Variants in RPTOR observed in about 807,000 individuals in gnomAD.
RPTOR encodes regulatory associated protein of MTOR complex 1.
A neutral mutation model predicts 169.9 loss-of-function variants in RPTOR; 21 were observed. The observed-to-expected ratio is 0.12, with a 90% CI of 0.09 to 0.18. The LOEUF is 0.18. Among genes scored for constraint, RPTOR ranks in the 10% least tolerant of loss-of-function variants. The pLI, the probability that RPTOR is intolerant of heterozygous loss-of-function variation, is 1.00. For synonymous variants in RPTOR, 732 were observed against 753.2 expected (o/e 0.97, Z 0.46); for missense variants, 1,133 against 1,855.9 (o/e 0.61, Z 7.16).
At chr17:80,779,840 T>C (rs1386441738) in intron 6 of RPTOR, among the ~76,000 whole-genome samples, 8 of 152,170 alleles carry the variant, frequency 5.3e-5, no homozygotes, top group Admixed American at 3.9e-4. Flanking sequence ...CCAAGTTCAT[T>C]GGAAAATCTA....
intron 3 of RPTOR, among the ~76,000 whole-genome samples, chr17:80,700,780 G>T (rs1381740896): frequency 0.016 from 391 of 24,388 alleles, 1 homozygote; most frequent in African/African-American, 0.018. Context: ...TGGTAGAGAT[G>T]ATGATGGTGG....
intron 3 of RPTOR, among the ~76,000 whole-genome samples, chr17:80,687,172 G>A (rs1012051929): frequency 6.6e-5 from 10 of 152,192 alleles, no homozygotes; most frequent in African/African-American, 2.4e-4. Flanking sequence ...ATTCTCTGCC[G>A]AGAGTTCTGT....
At chr17:80,848,632 G>A (rs2067758623) in intron 11 of RPTOR, among the ~76,000 whole-genome samples, 2 of 152,334 alleles carry the variant, frequency 1.3e-5, no homozygotes, top group South Asian at 2.1e-4. Context: ...TGGGCCCCAC[G>A]GCTCCTGTTG....
At chr17:80,762,790 A>G (rs1479453058) in intron 6 of RPTOR, among the ~76,000 whole-genome samples, 1 of 152,160 alleles carries the variant, frequency 6.6e-6, no homozygotes, top group Non-Finnish European at 1.5e-5. Context: ...AAGGAAGGGG[A>G]GAAACATGAG....
chr17:80,694,192 T>G (rs1598228929), intron 3 of RPTOR, among the ~76,000 whole-genome samples: 1 of 152,136 alleles, frequency 6.6e-6, no homozygotes, highest in African/African-American at 2.4e-5. Flanking sequence ...TCAGAGTGGG[T>G]GGGGAGGCGA....
At chr17:80,767,798 G>C (rs925731316) in intron 6 of RPTOR, among the ~76,000 whole-genome samples, 1 of 151,922 alleles carries the variant, frequency 6.6e-6, no homozygotes, top group African/African-American at 2.4e-5. Context: ...ATGCACCTGG[G>C]GCCTTTTACA....
rs571347935 is a variant in RPTOR at position 80,877,249 on chromosome 17, A to C, written c.1510-3166A>C. ...AGAGTCCACCCCAGTCCCCCTAGCCAGCGAAGTGGGAGCTCCCAGGTTCCT... is the reference window on the plus strand; with the variant it reads ...AGAGTCCACCCCAGTCCCCCTAGCCCGCGAAGTGGGAGCTCCCAGGTTCCT... On this transcript the variant is annotated intron_variant, in intron 13 of 33. Coordinates refer to ENST00000306801, the MANE Select transcript of RPTOR (RefSeq NM_020761.3). 3.9e-5 allele frequency among the ~76,000 whole-genome samples: 6 copies of C among 152,308 alleles called. No homozygotes were observed. In the East Asian group the frequency reaches 1.2e-3, roughly 29 times the overall value.
chr17:80,649,889 C>G (rs2065626170), intron 3 of RPTOR, among the ~76,000 whole-genome samples: 1 of 152,186 alleles, frequency 6.6e-6, no homozygotes, highest in Non-Finnish European at 1.5e-5. Context: ...TCAGCCCTGC[C>G]CACGCACTTC....
intron 1 of RPTOR, among the ~76,000 whole-genome samples, chr17:80,596,749 T>G (rs2065147391): frequency 6.6e-6 from 1 of 152,194 alleles, no homozygotes; most frequent in African/African-American, 2.4e-5. Flanking sequence ...CCTTTTTCTC[T>G]TATTTCAATG....
At chr17:80,692,827 T>TTAAA (rs2066004234) in intron 3 of RPTOR, among the ~76,000 whole-genome samples, 1 of 152,238 alleles carries the variant, frequency 6.6e-6, no homozygotes, top group Non-Finnish European at 1.5e-5. Flanking sequence ...GAGTCCAAAG[T>TTAAA]TAAATACACA....
At chr17:80,956,837 AGATGTTCCTGGAAGGCTCTGCTCC>A (rs1426810841) in intron 28 of RPTOR, among the ~76,000 whole-genome samples, 12 of 152,086 alleles carry the variant, frequency 7.9e-5, no homozygotes, top group East Asian at 1.9e-4. Context: ...CACCTTAGAC[AGATGTTCCTGGAAGGCTCTGCTCC>A]GATGTTCCTG....
At chr17:80,913,810 T>C (rs1598397574) in intron 21 of RPTOR, among the ~76,000 whole-genome samples, 1 of 152,284 alleles carries the variant, frequency 6.6e-6, no homozygotes, top group East Asian at 1.9e-4. Context: ...AAGAAGAGAC[T>C]GATGCCCCTC....
Position 80,651,813 on chromosome 17 carries a change from C to G in RPTOR, c.348+8003C>G, listed in dbSNP as rs190789083. Reference sequence around the variant, plus strand: ...CGGGTGGATCGTGAGGTCAGGAGATCGAGACCATGGTGAAACCCTGTCTCT... The same window carrying G: ...CGGGTGGATCGTGAGGTCAGGAGATGGAGACCATGGTGAAACCCTGTCTCT... On this transcript the variant is annotated intron_variant, in intron 3 of 33. Transcript: ENST00000306801. The surrounding 1 kb of genome is among the most constrained non-coding windows in gnomAD (Gnocchi z 4.1). 1.2e-3 allele frequency among the ~76,000 whole-genome samples: 182 copies of G among 151,720 alleles called. No individual in the cohort carries two copies. The highest frequency in any genetic ancestry group is 4.3e-3 in the African/African-American group (177 of 41,384).
chr17:80,649,932 T>C (rs920741820), intron 3 of RPTOR, among the ~76,000 whole-genome samples: 8 of 152,198 alleles, frequency 5.3e-5, no homozygotes, highest in Admixed American at 5.2e-4. Flanking sequence ...GCCATGGTAT[T>C]GGAAGCAGCT....
intron 1 of RPTOR, among the ~76,000 whole-genome samples, chr17:80,607,994 A>T (rs2065240944): frequency 6.6e-6 from 1 of 152,232 alleles, no homozygotes; most frequent in Admixed American, 6.5e-5. Context: ...AAATGAACAC[A>T]ATTAATTTAA....
chr17:80,817,285 G>C (rs1001990563), intron 7 of RPTOR, among the ~76,000 whole-genome samples: 1 of 152,180 alleles, frequency 6.6e-6, no homozygotes, highest in Admixed American at 6.5e-5. Context: ...TTTAGGCCTG[G>C]AAGTGAAGGA....
intron 1 of RPTOR, among the ~76,000 whole-genome samples, chr17:80,586,847 C>T (rs2065064567): frequency 6.7e-6 from 1 of 148,958 alleles, no homozygotes; most frequent in Non-Finnish European, 1.5e-5. Flanking sequence ...CATGGCCTTT[C>T]TCGCCTTTTT....
intron 7 of RPTOR, among the ~76,000 whole-genome samples, chr17:80,807,362 C>CG (rs60046289): frequency 0.02 from 3,034 of 151,338 alleles, 71 homozygotes; most frequent in African/African-American, 0.06. Context: ...TTTTTTGGAG[C>CG]GGGGGGAACG....
At chr17:80,764,750 A>G (rs999113637) in intron 6 of RPTOR, among the ~76,000 whole-genome samples, 5 of 152,230 alleles carry the variant, frequency 3.3e-5, no homozygotes, top group Non-Finnish European at 7.4e-5. Context: ...GACTTCCACA[A>G]TGGTTGAACT....
Sources: allele counts gnomAD v4.1 joint callset (sites outside exome capture counted in the v4.1 genomes callset), GRCh38; gene constraint gnomAD v4.1.1; non-coding constraint Gnocchi (gnomAD v3.1); transcripts MANE v1.5; gene names NCBI Gene and HGNC (gene_info 2026-07-23, HGNC 2026-07-21).